Variants in CCDC61 observed in about 807,000 individuals in gnomAD.
CCDC61 encodes coiled-coil domain containing 61.
A neutral mutation model predicts 63.0 loss-of-function variants in CCDC61; 55 were observed. The ratio of observed to expected loss-of-function variants is 0.87; its 90% CI spans 0.70 to 1.09. CCDC61 has a LOEUF of 1.09. Ranked by LOEUF, CCDC61 falls within the 50% of genes least tolerant of loss-of-function variation. The probability of loss-of-function intolerance (pLI) is 0.00; values close to 1 mark genes in which losing one functional copy is unlikely to be tolerated. For missense variants in CCDC61, 651 were observed against 731.4 expected (o/e 0.89, Z 1.27); for synonymous variants, 270 against 317.0 (o/e 0.85, Z 1.58).
At chr19:46,003,393 C>T (rs1968630309) in intron 2 of CCDC61, 26 bp from the exon 3 acceptor site, 1 of 1,605,634 alleles carries the variant, frequency 6.2e-7, no homozygotes. Context: ...GGTCAGACCT[C>T]AGGAGAGACT....
At chr19:46,001,036 T>G (rs1462337794) in intron 1 of CCDC61, among the ~76,000 whole-genome samples, 1 of 146,256 alleles carries the variant, frequency 6.8e-6, no homozygotes, top group Non-Finnish European at 1.5e-5. Context: ...GTTCCGTGGG[T>G]GCCTCCTACG....
intron 3 of CCDC61, among the ~76,000 whole-genome samples, chr19:46,004,034 G>A (rs959909587): frequency 4.6e-5 from 7 of 152,008 alleles, no homozygotes; most frequent in Non-Finnish European, 8.8e-5. Context: ...CGCCTCCCAG[G>A]TTCAAGCGAT....
Position 46,015,135 on chromosome 19 carries a change from G to T in CCDC61, c.638G>T (p.Arg213Leu), listed in dbSNP as rs905690141. ...GAGGCGCTGGCCGGGCGCGCGGCAC[G>T]CCAGGAGGCCGAGGCGCTGCGCGGG... ...REEALAGRAARQEAEALRGLV... is the reference protein window; with the variant it reads ...REEALAGRAALQEAEALRGLV... The change falls in exon 6 of 14, where the codon CGC (arginine) becomes CTC (leucine). Residue 213 changes from arginine (R) to leucine (L), a missense_variant. Physicochemically the swap from Arg to Leu is moderately radical, Grantham distance 102 (BLOSUM62 -2). Transcript: ENST00000595358. The surrounding 1 kb of genome is among the most constrained non-coding windows in gnomAD (Gnocchi z 5.3). 3 of 1,282,078 alleles carry T rather than the reference G, an allele frequency of 2.3e-6. No individual in the cohort carries two copies. Among genetic ancestry groups the T allele is most frequent in the African/African-American group, 3.1e-5 (2 of 64,230 alleles). 79.4% of individuals were successfully genotyped at this position (1,282,078 alleles called of 1,614,324 possible).
chr19:46,009,837 T>TGTGTGTGTGTGTGTGTGC (rs1272891549), intron 5 of CCDC61, among the ~76,000 whole-genome samples: 9 of 151,348 alleles, frequency 5.9e-5, no homozygotes, highest in Non-Finnish European at 1.3e-4. Flanking sequence ...TGTGTGTGTG[T>TGTGTGTGTGTGTGTGTGC]GCGCGCGCGT....
intron 1 of CCDC61, among the ~76,000 whole-genome samples, 176 bp downstream of exon 1, chr19:45,995,680 C>T (rs1266078061): frequency 6.6e-6 from 1 of 151,946 alleles, no homozygotes; most frequent in African/African-American, 2.4e-5. Flanking sequence ...GGTTGTGAGG[C>T]TGAGCGCAGC....
At chr19:46,003,372 G>T in intron 2 of CCDC61, 47 bp from the exon 3 acceptor site, 1 of 1,565,732 alleles carries the variant, frequency 6.4e-7, no homozygotes, top group Non-Finnish European at 8.8e-7. Context: ...TTGCCCTGGG[G>T]CTGGGCAAGC....
At chr19:46,010,845 C>T (rs1968814215) in intron 5 of CCDC61, among the ~76,000 whole-genome samples, 1 of 152,170 alleles carries the variant, frequency 6.6e-6, no homozygotes, top group African/African-American at 2.4e-5. Context: ...CAGTGTGTAT[C>T]TTTAACACAT....
At chr19:46,006,846 G>C in intron 4 of CCDC61, 130 bp downstream of exon 4, 2 of 822,448 alleles carry the variant, frequency 2.4e-6, no homozygotes, top group South Asian at 3.8e-5. Flanking sequence ...AATCTTCCCT[G>C]TTGGGGTTTG....
chr19:46,016,288 C>G lies in CCDC61; in HGVS notation c.1016-30C>G, dbSNP rs766244815. 10 of 1,612,084 alleles carry G rather than the reference C, an allele frequency of 6.2e-6. No homozygotes were observed. The highest frequency in any genetic ancestry group is 8.5e-6 in the Non-Finnish European group (10 of 1,178,964). ...GCGCTGCCAAGGCCCGTCTCCGGAC[C>G]TAGCCGCCTCCTCTCCCACGCCGTC... On this transcript the variant is annotated intron_variant, in intron 8 of 13. Coordinates refer to ENST00000595358, the MANE Select transcript of CCDC61 (RefSeq NM_001267723.2). This position sits in a 1 kb window ranked among gnomAD's most constrained non-coding sequence, Gnocchi z 7.2.
intron 3 of CCDC61, among the ~76,000 whole-genome samples, chr19:46,003,705 C>T (rs1306024729): frequency 6.6e-6 from 1 of 152,046 alleles, no homozygotes; most frequent in Middle Eastern, 3.2e-3. Context: ...ATTTAGGTCA[C>T]AGAGAAATAT....
At position 46,016,216 on chromosome 19, in the gene CCDC61, G is replaced by T. The variant is rs1404147539; in HGVS notation, c.1008G>T (p.Ser336=). The change falls in exon 8 of 14, where the codon TCG becomes TCT. Residue 336 remains serine, a synonymous_variant. Transcript: ENST00000595358. The surrounding 1 kb of genome is among the most constrained non-coding windows in gnomAD (Gnocchi z 7.2). ...GCCGCCCTGCGCGCCCCTCGCCCTC[G>T]CCCACAGGTCTGTGCCCCTGCCCTG... The part of the protein sequence containing the change: ...GRGRPARPSP[S]PTGGRALRFD... The T allele has an allele frequency of 6.8e-7, 1 of 1,470,770 alleles. No homozygotes were observed. Among genetic ancestry groups the T allele is most frequent in the East Asian group, 2.7e-5 (1 of 37,306 alleles). The allele number at this position is 1,470,770 out of a possible 1,614,324, so 91.1% of individuals were successfully genotyped here.
intron 1 of CCDC61, among the ~76,000 whole-genome samples, chr19:46,002,652 A>G (rs898576929): frequency 6.6e-6 from 1 of 151,444 alleles, no homozygotes; most frequent in African/African-American, 2.4e-5. Context: ...CTTGAGCTCA[A>G]GTGATCCTCC....
At chr19:46,008,933 T>C (rs1325700756) in intron 5 of CCDC61, among the ~76,000 whole-genome samples, 1 of 152,164 alleles carries the variant, frequency 6.6e-6, no homozygotes, top group Admixed American at 6.5e-5. Flanking sequence ...GGTCGAGCTC[T>C]ATGTAGGCGA....
chr19:46,004,429 A>G (rs375200438), intron 3 of CCDC61, among the ~76,000 whole-genome samples: 85 of 152,246 alleles, frequency 5.6e-4, no homozygotes, highest in African/African-American at 1.9e-3. Context: ...GGAGAGACAG[A>G]CAAATGAAAA....
chr19:46,010,505 G>GGA (rs1968808556), intron 5 of CCDC61, among the ~76,000 whole-genome samples: 1 of 152,200 alleles, frequency 6.6e-6, no homozygotes, highest in African/African-American at 2.4e-5. Context: ...GTTCTTGCCA[G>GGA]GAGAAGAGGG....
chr19:46,007,900 C>T (rs908721400), intron 4 of CCDC61, among the ~76,000 whole-genome samples: 2 of 152,208 alleles, frequency 1.3e-5, no homozygotes, highest in African/African-American at 4.8e-5. Context: ...CCCCAGACTA[C>T]ACCAGGGCTG....
intron 3 of CCDC61, among the ~76,000 whole-genome samples, chr19:46,004,441 A>G (rs1968658024): frequency 6.6e-6 from 1 of 152,092 alleles, no homozygotes; most frequent in African/African-American, 2.4e-5. Flanking sequence ...AAATGAAAAA[A>G]TACATAATGT....
intron 3 of CCDC61, among the ~76,000 whole-genome samples, chr19:46,005,234 T>C (rs185173820): frequency 7.0e-6 from 1 of 141,892 alleles, no homozygotes; most frequent in East Asian, 2.1e-4. Context: ...GGTCTTGAAT[T>C]CCTGGCCTCA....
intron 5 of CCDC61, among the ~76,000 whole-genome samples, chr19:46,014,044 A>C: frequency 6.6e-6 from 1 of 152,126 alleles, no homozygotes; most frequent in African/African-American, 2.4e-5. Flanking sequence ...CATTTGTTAA[A>C]ATTTAATTAA....
Sources: allele counts gnomAD v4.1 joint callset (sites outside exome capture counted in the v4.1 genomes callset), GRCh38; gene constraint gnomAD v4.1.1; non-coding constraint Gnocchi (gnomAD v3.1); transcripts MANE v1.5; gene names NCBI Gene and HGNC (gene_info 2026-07-23, HGNC 2026-07-21).